Variants in C14orf39 observed in about 807,000 individuals in gnomAD.
The protein encoded by C14orf39 is protein SIX6OS1.
C14orf39 carries 66 observed loss-of-function variants against 85.6 expected under a neutral mutation model. That is an observed-to-expected ratio of 0.77 (90% CI 0.63 to 0.95). C14orf39 has a LOEUF of 0.95. Among genes scored for constraint, C14orf39 ranks in the 40% least tolerant of loss-of-function variants. The pLI, the probability that C14orf39 is intolerant of heterozygous loss-of-function variation, is 0.00. For missense variants in C14orf39, 735 were observed against 663.9 expected (o/e 1.11, Z -1.18); for synonymous variants, 242 against 214.0 (o/e 1.13, Z -1.14).
At chr14:60,500,882 A>G (rs1419350444) in intron 1 of C14orf39, among the ~76,000 whole-genome samples, 1 of 152,242 alleles carries the variant, frequency 6.6e-6, no homozygotes, top group African/African-American at 2.4e-5. Flanking sequence ...AACAAAAAAA[A>G]AGACATTTCC....
chr14:60,461,327 T>C (rs766743989), intron 13 of C14orf39, 27 bp downstream of exon 13: 2 of 1,593,978 alleles, frequency 1.3e-6, no homozygotes, highest in Non-Finnish European at 1.7e-6. Flanking sequence ...CCCGACTTCT[T>C]AGAAGAAAAA....
upstream of C14orf39, among the ~76,000 whole-genome samples, chr14:60,490,453 GAATA>G (rs1208619134): frequency 1.9e-3 from 24 of 12,854 alleles, no homozygotes; most frequent in South Asian, 0.017. Context: ...ATAAATAAAT[GAATA>G]AATAAATAAA....
At chr14:60,499,772 C>A (rs1893113703) in intron 1 of C14orf39, among the ~76,000 whole-genome samples, 1 of 152,204 alleles carries the variant, frequency 6.6e-6, no homozygotes, top group African/African-American at 2.4e-5. Context: ...ATTGGCAATA[C>A]ACGACAAGAA....
In C14orf39 at chr14:60,437,023, CCTT is replaced by C; in HGVS notation, c.1583_1585del (p.Glu528del). On this transcript the variant is annotated inframe_deletion, in exon 18 of 18. Transcript: ENST00000321731. Reference sequence around the variant, plus strand: ...AAAAGAAAATGTAAAGCCATCTTCTCCTTCTGGCTTCTCAAGTAAGTTTCCTAA... The same window carrying C: ...AAAAGAAAATGTAAAGCCATCTTCTCCTGGCTTCTCAAGTAAGTTTCCTAA... 6.2e-7 allele frequency: 1 copy of C among 1,606,794 alleles called. No individual in the cohort carries two copies. The highest frequency in any genetic ancestry group is 8.5e-7 in the Non-Finnish European group (1 of 1,177,440).
chr14:60,475,705 T>A (rs1186429635), intron 5 of C14orf39, among the ~76,000 whole-genome samples: 1 of 152,110 alleles, frequency 6.6e-6, no homozygotes, highest in Non-Finnish European at 1.5e-5. Flanking sequence ...TACTATCTGG[T>A]CCTTTACCAA....
chr14:60,450,287 A>G (rs1405399042), intron 16 of C14orf39, among the ~76,000 whole-genome samples: 1 of 152,040 alleles, frequency 6.6e-6, no homozygotes, highest in African/African-American at 2.4e-5. Flanking sequence ...GCCAGAGGGG[A>G]GCCCACTACC....
At chr14:60,441,844 T>C (rs960825004) in intron 17 of C14orf39, among the ~76,000 whole-genome samples, 9 of 152,136 alleles carry the variant, frequency 5.9e-5, no homozygotes, top group African/African-American at 2.2e-4. Flanking sequence ...AAGATACCCA[T>C]AATGTTTGAT....
At chr14:60,468,347 C>G in intron 9 of C14orf39, 98 bp downstream of exon 9, 1 of 562,920 alleles carries the variant, frequency 1.8e-6, no homozygotes, top group Non-Finnish European at 2.9e-6. Context: ...TTTACAGATA[C>G]TGTGTAAATA....
rs181693317 is a variant in C14orf39 at position 60,507,849 on chromosome 14, C to T, written c.-144+7546G>A. Among the ~76,000 whole-genome samples the T allele has an allele frequency of 8.3e-4, 127 of 152,280 alleles. No homozygotes were observed. In the East Asian group the frequency reaches 0.018, roughly 21 times the overall value. ...TGTCTAGGGATGGACCTCCCCAAAACGGTTTTCCTGGCGTTTTTGTTATAC... is the reference window on the plus strand; with the variant it reads ...TGTCTAGGGATGGACCTCCCCAAAATGGTTTTCCTGGCGTTTTTGTTATAC... On this transcript the variant is annotated intron_variant, in intron 1 of 5. Transcript: ENST00000556799.
At chr14:60,468,628 A>G in intron 8 of C14orf39, 92 bp from the exon 9 acceptor site, 5 of 610,736 alleles carry the variant, frequency 8.2e-6, no homozygotes, top group South Asian at 3.7e-5. Context: ...CTATATAATC[A>G]TAAGATTCAT....
rs1890261271 is a variant in C14orf39, at chr14:60,436,628, C to T, written c.*217G>A. On this transcript the variant is annotated 3_prime_UTR_variant, in exon 18 of 18. Transcript: ENST00000321731. ...ATAAAAGTTCTACCTGACCACGGCT[C>T]GCAAAATCAAAACCAAAATAAATAA... 3 of 341,122 alleles carry T rather than the reference C, an allele frequency of 8.8e-6. No homozygotes were observed. The highest frequency in any genetic ancestry group is 1.0e-5 in the Non-Finnish European group (2 of 192,856). 21.1% of individuals were successfully genotyped at this position (341,122 alleles called of 1,614,324 possible).
At chr14:60,444,328 G>T (rs564024333) in intron 16 of C14orf39, among the ~76,000 whole-genome samples, 1 of 152,156 alleles carries the variant, frequency 6.6e-6, no homozygotes, top group Non-Finnish European at 1.5e-5. Flanking sequence ...TGGCTAACTA[G>T]AATAAACAGC....
At chr14:60,513,098 A>G (rs1475540952) in intron 1 of C14orf39, among the ~76,000 whole-genome samples, 2 of 152,230 alleles carry the variant, frequency 1.3e-5, no homozygotes, top group African/African-American at 4.8e-5. Flanking sequence ...AATCGCTTGA[A>G]TAGATTTGGC....
At chr14:60,442,179 G>T in intron 16 of C14orf39, 48 bp from the exon 17 acceptor site, 1 of 1,181,458 alleles carries the variant, frequency 8.5e-7, no homozygotes, top group Non-Finnish European at 1.3e-6. Context: ...CAGTAGGACA[G>T]TATATATAGT....
chr14:60,478,728 T>C (rs1892508093), intron 4 of C14orf39, among the ~76,000 whole-genome samples: 1 of 152,166 alleles, frequency 6.6e-6, no homozygotes, highest in Admixed American at 6.5e-5. Context: ...TTCTTTCTCA[T>C]TACATTTCTA....
chr14:60,471,431 T>C lies in C14orf39; in HGVS notation c.540A>G (p.Lys180=), dbSNP rs1406744041. Residue 180 remains lysine, a synonymous_variant, in exon 7 of 18, where the codon AAA becomes AAG. Coordinates refer to ENST00000321731, the MANE Select transcript of C14orf39 (RefSeq NM_174978.3). The part of the protein sequence containing the change: ...RVPAPFPSLT[K]WTLNIVNLRC... ...ATTGTGGATACATGTTTAAAGTCCATTTAGTAAGTGATGGAAAGGGAGCAG... is the reference window on the plus strand; with the variant it reads ...ATTGTGGATACATGTTTAAAGTCCACTTAGTAAGTGATGGAAAGGGAGCAG... The C allele has an allele frequency of 1.3e-6, 2 of 1,597,362 alleles. No individual in the cohort carries two copies.
intron 14 of C14orf39, 44 bp downstream of exon 14, chr14:60,458,634 T>C: frequency 2.2e-6 from 3 of 1,376,436 alleles, no homozygotes; most frequent in Non-Finnish European, 2.0e-6. Flanking sequence ...ATATTTTAAA[T>C]TGGAATTTTT....
chr14:60,497,567 G>A (rs1370906666), intron 2 of C14orf39, among the ~76,000 whole-genome samples: 1 of 152,156 alleles, frequency 6.6e-6, no homozygotes, highest in Non-Finnish European at 1.5e-5. Flanking sequence ...TAGACTTTCA[G>A]TTCTGCAAGT....
chr14:60,512,478 C>G (rs1018708469), intron 1 of C14orf39: 1 of 152,082 alleles, frequency 6.6e-6, no homozygotes, highest in Non-Finnish European at 1.5e-5. Context: ...TGGTTTTAAT[C>G]AAATGAATGG....
Sources: gnomAD v4.1 joint callset for allele counts (sites outside exome capture counted in the v4.1 genomes callset) on GRCh38, gnomAD v4.1.1 for gene constraint, MANE v1.5 for transcripts, NCBI Gene and HGNC (gene_info 2026-07-23, HGNC 2026-07-21) for gene names.